ANKH: variants seen among roughly 807,000 people sequenced by gnomAD.
ANKH encodes the protein ANKH inorganic pyrophosphate transport regulator, also known as mineralization regulator ANKH.
Under a neutral mutation model 49.0 loss-of-function variants are expected in ANKH, and 15 were observed. The ratio of observed to expected loss-of-function variants is 0.31; its 90% CI spans 0.20 to 0.47. The LOEUF is 0.47. Ranked by LOEUF, ANKH falls within the 20% of genes least tolerant of loss-of-function variation. The pLI is 1.00. For synonymous variants in ANKH, 273 were observed against 260.0 expected (o/e 1.05, Z -0.48); for missense variants, 429 against 652.0 (o/e 0.66, Z 3.72).
At position 14,801,259 on chromosome 5, in the gene ANKH, C is replaced by T. The variant is rs377564530; in HGVS notation, c.97-32068G>A. ...TACATAGAACCCTATTAGATGCCTT[C>T]TTGATCTTTAAGTCCTTAAATTCCC... On this transcript the variant is annotated intron_variant, in intron 1 of 11. Coordinates refer to ENST00000284268, the MANE Select transcript of ANKH (RefSeq NM_054027.6). 1.2e-4 allele frequency among the ~76,000 whole-genome samples: 19 copies of T among 152,282 alleles called. 2 individuals carry two copies. The highest frequency in any genetic ancestry group is 1.2e-3 in the Admixed American group (18 of 15,308).
chr5:14,804,823 TTC>T (rs1262854808), intron 1 of ANKH, among the ~76,000 whole-genome samples: 3 of 152,194 alleles, frequency 2.0e-5, no homozygotes, highest in Non-Finnish European at 2.9e-5. Context: ...TAGGATTTGG[TTC>T]TTTCTCTGGC....
chr5:14,800,278 G>A (rs942082261), intron 1 of ANKH, among the ~76,000 whole-genome samples: 1 of 152,238 alleles, frequency 6.6e-6, no homozygotes, highest in Non-Finnish European at 1.5e-5. Flanking sequence ...AAGATGCTGT[G>A]AACATTGTTG....
intron 8 of ANKH, chr5:14,717,137 T>C (rs1270912448): frequency 5.1e-6 from 2 of 393,174 alleles, no homozygotes; most frequent in Non-Finnish European, 9.8e-6. Flanking sequence ...ACCAGTGTGC[T>C]TTGGGGCAAG....
At chr5:14,828,761 G>C (rs1241920449) in intron 1 of ANKH, among the ~76,000 whole-genome samples, 3 of 152,112 alleles carry the variant, frequency 2.0e-5, no homozygotes, top group Non-Finnish European at 1.5e-5. Flanking sequence ...TTAAAATAAA[G>C]CTCATCCCCT....
At chr5:14,861,751 G>T (rs764591601) in intron 1 of ANKH, among the ~76,000 whole-genome samples, 1 of 152,142 alleles carries the variant, frequency 6.6e-6, no homozygotes, top group African/African-American at 2.4e-5. Flanking sequence ...AACCAGCTAG[G>T]ACCTGCAAAC....
chr5:14,792,987 T>TATAAATATATATATATAA (rs1740218695), intron 1 of ANKH, among the ~76,000 whole-genome samples: 1 of 107,626 alleles, frequency 9.3e-6, no homozygotes, highest in Non-Finnish European at 1.8e-5. Context: ...TATATATATA[T>TATAAATATATATATATAA]AAAAATATAT....
At chr5:14,863,476 A>G (rs1014266743) in intron 1 of ANKH, among the ~76,000 whole-genome samples, 9 of 152,190 alleles carry the variant, frequency 5.9e-5, no homozygotes, top group Non-Finnish European at 1.2e-4. Context: ...GACTTCCAAC[A>G]ACCCTAGTTC....
chr5:14,838,713 C>T lies in ANKH; in HGVS notation c.96+32639G>A, dbSNP rs113169134. ...CAGCTGGATTATTTTGTTTGGCAGA[C>T]GACTCTGCACACTTTCTGATAAAGG... On this transcript the variant is annotated intron_variant, in intron 1 of 11. Transcript: ENST00000284268. Among the ~76,000 whole-genome samples the T allele has an allele frequency of 9.5e-3, 1,442 of 152,212 alleles. 14 individuals are homozygous for T. The highest frequency in any genetic ancestry group is 0.027 in the Middle Eastern group (8 of 294).
At chr5:14,750,551 C>G (rs1738678368) in intron 5 of ANKH, among the ~76,000 whole-genome samples, 2 of 152,164 alleles carry the variant, frequency 1.3e-5, no homozygotes, top group Admixed American at 1.3e-4. Context: ...TATGATGCTG[C>G]TTGAGGGTAG....
In ANKH at chr5:14,808,675, T is replaced by C. The variant is rs537275034; in HGVS notation, c.97-39484A>G. The stretch of plus-strand genomic sequence containing the variant: ...GTTAGAATGGCAATCATTAAAAAGT[T>C]AGGAAACAACAGGTGCTGGAGAGGA... On this transcript the variant is annotated intron_variant, in intron 1 of 11. Coordinates refer to ENST00000284268, the MANE Select transcript of ANKH (RefSeq NM_054027.6). Among the ~76,000 whole-genome samples, 22 of 150,936 alleles carry C rather than the reference T, an allele frequency of 1.5e-4. No homozygotes were observed. The South Asian group carries it at 3.0e-3, about 20-fold the overall frequency.
At chr5:14,868,793 T>C (rs918855725) in intron 1 of ANKH, 8 of 151,682 alleles carry the variant, frequency 5.3e-5, no homozygotes, top group African/African-American at 9.7e-5. Context: ...CCTCCCACCT[T>C]AGCCTAAGCA....
chr5:14,711,225 ATGTC>A lies in ANKH; in HGVS notation c.1447_1450del (p.Asp483SerfsTer4). On this transcript the variant is annotated frameshift_variant, in exon 12 of 12. Transcript: ENST00000284268. LOFTEE classifies it high-confidence loss of function. ...TTCATTCTCCTCTCTCATTTCCACG[ATGTC>A]TGTCACCTCCTCTGTCGGAGGCATG... The A allele has an allele frequency of 6.2e-7, 1 of 1,613,982 alleles. No individual in the cohort carries two copies. Among genetic ancestry groups the A allele is most frequent in the Non-Finnish European group, 8.5e-7 (1 of 1,179,984 alleles).
At chr5:14,759,587 C>CAA (rs36077329) in intron 2 of ANKH, among the ~76,000 whole-genome samples, 229 of 143,626 alleles carry the variant, frequency 1.6e-3, no homozygotes, top group African/African-American at 5.7e-3. Context: ...CTGTTTCTAG[C>CAA]AAAAAAAAAA....
chr5:14,716,719 G>T lies in ANKH; in HGVS notation c.1128C>A (p.Phe376Leu). ...GTTTTTCTTTACCTGGAACTGGGAA[G>T]AAGGAGAAGATCCGCAAAGGAACAA... ...LCVVPLRIFS[F>L]FPVPVTVRAH... The change falls in exon 9 of 12, where the codon TTC becomes TTA. Residue 376 changes from phenylalanine (F) to leucine (L), a missense_variant. Coordinates refer to ENST00000284268, the MANE Select transcript of ANKH (RefSeq NM_054027.6). 2.5e-6 allele frequency: 4 copies of T among 1,614,124 alleles called. No homozygotes were observed. Among genetic ancestry groups the T allele is most frequent in the Non-Finnish European group, 3.4e-6 (4 of 1,179,952 alleles).
Position 14,871,406 on chromosome 5 carries a change from G to C in ANKH, c.42C>G (p.Ile14Met). ...FPALTHYWPL[I>M]RFLVPLGITN... is the part of the protein sequence containing the mutation. Reference sequence around the variant, plus strand: ...TGATGCCCAGGGGCACCAAGAACCGGATCAGGGGCCAGTAGTGCGTGAGCG... The same window carrying C: ...TGATGCCCAGGGGCACCAAGAACCGCATCAGGGGCCAGTAGTGCGTGAGCG... Residue 14 changes from isoleucine to methionine, a missense_variant, in exon 1 of 12, where the codon ATC (isoleucine) becomes ATG (methionine). Physicochemically the swap from Ile to Met is conservative, Grantham distance 10. Around this residue, in one of 2 missense-constraint regions of ANKH, gnomAD observed 378 missense variants for 615.3 expected, o/e 0.61. Transcript: ENST00000284268. 1 of 1,613,570 alleles carries C rather than the reference G, an allele frequency of 6.2e-7. No homozygotes were observed. The highest frequency in any genetic ancestry group is 8.5e-7 in the Non-Finnish European group (1 of 1,179,770).
At chr5:14,855,982 T>C (rs979572316) in intron 1 of ANKH, among the ~76,000 whole-genome samples, 5 of 151,658 alleles carry the variant, frequency 3.3e-5, no homozygotes, top group African/African-American at 9.7e-5. Context: ...ATGCAATTCA[T>C]TGAAAAAATA....
intron 1 of ANKH, among the ~76,000 whole-genome samples, chr5:14,812,376 G>A (rs1217688272): frequency 2.6e-5 from 4 of 152,022 alleles, no homozygotes; most frequent in South Asian, 2.1e-4. Flanking sequence ...TTCACTGAGC[G>A]TTCCCCCTGT....
At chr5:14,769,648 T>C (rs915440337) in intron 1 of ANKH, among the ~76,000 whole-genome samples, 4 of 152,062 alleles carry the variant, frequency 2.6e-5, no homozygotes, top group Non-Finnish European at 5.9e-5. Flanking sequence ...TGTGTGTTCA[T>C]GTGTGCACAT....
intron 2 of ANKH, among the ~76,000 whole-genome samples, chr5:14,759,259 G>C (rs1409168640): frequency 2.0e-5 from 3 of 152,138 alleles, no homozygotes; most frequent in Non-Finnish European, 4.4e-5. Flanking sequence ...TCCAATATCA[G>C]AATTTGTTAC....
Sources: allele counts gnomAD v4.1 joint callset (sites outside exome capture counted in the v4.1 genomes callset), GRCh38; gene constraint gnomAD v4.1.1; regional missense constraint gnomAD v4.1.1; transcripts MANE v1.5; gene names NCBI Gene and HGNC (gene_info 2026-07-23, HGNC 2026-07-21).